The following ARHGAP10 variants were observed in gnomAD, a reference collection of about 807,000 sequenced individuals.
The protein encoded by ARHGAP10 is Rho GTPase activating protein 10.
Under a neutral mutation model 108.6 loss-of-function variants are expected in ARHGAP10, and 87 were observed. That is an observed-to-expected ratio of 0.80 (90% CI 0.67 to 0.96). The LOEUF is 0.96. Among genes scored for constraint, ARHGAP10 ranks in the 40% least tolerant of loss-of-function variants. The pLI is 0.00. For synonymous variants in ARHGAP10, 347 were observed against 341.1 expected, an observed-to-expected ratio of 1.02 and a Z score of -0.19; for missense variants, 939 against 954.5, an observed-to-expected ratio of 0.98 and a Z score of 0.21.
chr4:147,786,925 C>G (rs1281730974), intron 1 of ARHGAP10, among the ~76,000 whole-genome samples: 2 of 152,264 alleles, frequency 1.3e-5, no homozygotes, highest in African/African-American at 4.8e-5. Flanking sequence ...GGTCACACCT[C>G]TGACCTCCCT....
chr4:147,892,142 TC>T (rs1735815063), intron 10 of ARHGAP10, among the ~76,000 whole-genome samples: 1 of 152,206 alleles, frequency 6.6e-6, no homozygotes, highest in African/African-American at 2.4e-5. Context: ...GCAAGATGCT[TC>T]TGACTTGTAG....
At chr4:147,832,587 C>T (rs1258988672) in intron 3 of ARHGAP10, among the ~76,000 whole-genome samples, 1 of 122,564 alleles carries the variant, frequency 8.2e-6, no homozygotes, top group Non-Finnish European at 1.6e-5. Flanking sequence ...GCGGAGGTTA[C>T]AATGAGCTGA....
At chr4:147,877,819 C>CTATTTTTT (rs1735135763) in intron 8 of ARHGAP10, among the ~76,000 whole-genome samples, 1 of 131,500 alleles carries the variant, frequency 7.6e-6, no homozygotes, top group East Asian at 2.2e-4. Context: ...ATTCTTCATA[C>CTATTTTTT]TTTTTTTTTT....
intron 8 of ARHGAP10, among the ~76,000 whole-genome samples, chr4:147,876,419 T>C (rs1051160685): frequency 2.0e-5 from 3 of 152,206 alleles, no homozygotes; most frequent in Non-Finnish European, 2.9e-5. Context: ...AGTGAAACCC[T>C]GTCTCTACTA....
At chr4:147,925,970 C>T (rs1308065875) in intron 13 of ARHGAP10, among the ~76,000 whole-genome samples, 1 of 152,222 alleles carries the variant, frequency 6.6e-6, no homozygotes, top group Non-Finnish European at 1.5e-5. Flanking sequence ...CTCTAGGAGA[C>T]ACCATCTCTA....
chr4:148,048,366 CTT>C (rs1432827338), intron 20 of ARHGAP10, among the ~76,000 whole-genome samples: 1 of 152,156 alleles, frequency 6.6e-6, no homozygotes. Context: ...GATCTGAAGA[CTT>C]TGAAAATCTG....
intron 18 of ARHGAP10, among the ~76,000 whole-genome samples, chr4:148,016,541 GT>G (rs199670329): frequency 1.3e-5 from 2 of 152,056 alleles, no homozygotes; most frequent in Admixed American, 6.5e-5. Flanking sequence ...AATGCAAATT[GT>G]TTTTTTCTCT....
chr4:147,819,498 A>G (rs1732393201), intron 1 of ARHGAP10, among the ~76,000 whole-genome samples: 1 of 151,732 alleles, frequency 6.6e-6, no homozygotes, highest in Non-Finnish European at 1.5e-5. Context: ...AAATAAAATC[A>G]TCCTATTATA....
At chr4:147,949,331 C>T (rs1165616099) in intron 15 of ARHGAP10, among the ~76,000 whole-genome samples, 1 of 152,154 alleles carries the variant, frequency 6.6e-6, no homozygotes, top group Non-Finnish European at 1.5e-5. Context: ...AATTTAAGTT[C>T]CCTGAAGATA....
chr4:147,962,671 C>T (rs1196430398), intron 16 of ARHGAP10, among the ~76,000 whole-genome samples: 1 of 152,066 alleles, frequency 6.6e-6, no homozygotes, highest in African/African-American at 2.4e-5. Flanking sequence ...CCACCTACCT[C>T]ACTCCCTTTA....
chr4:147,777,198 G>A (rs1438118152), intron 1 of ARHGAP10, among the ~76,000 whole-genome samples: 1 of 151,704 alleles, frequency 6.6e-6, no homozygotes, highest in African/African-American at 2.4e-5. Context: ...TTGGTTTTCT[G>A]TCTTTGCTAA....
chr4:148,017,670 ATATATATAT>A (rs1741398297), intron 18 of ARHGAP10, among the ~76,000 whole-genome samples: 1 of 128,370 alleles, frequency 7.8e-6, no homozygotes, highest in Non-Finnish European at 1.5e-5. Flanking sequence ...ATATATATAT[ATATATATAT>A]ATATGTGTGT....
At chr4:148,014,133 G>C (rs1027670401) in intron 18 of ARHGAP10, among the ~76,000 whole-genome samples, 1 of 152,200 alleles carries the variant, frequency 6.6e-6, no homozygotes. Flanking sequence ...CCTTATAGTT[G>C]ACATAGAGTA....
At position 148,063,177 on chromosome 4, in the gene ARHGAP10, A is replaced by C; in HGVS notation, c.2057A>C (p.Gln686Pro). The C allele has an allele frequency of 6.2e-7, 1 of 1,614,216 alleles. No homozygotes were observed. The highest frequency in any genetic ancestry group is 8.5e-7 in the Non-Finnish European group (1 of 1,180,046). ...IPGQTRSSMV[Q>P]WLNPQSPTTT... is the part of the protein sequence containing the mutation. ...GGCCAGACCCGATCGTCTATGGTCC[A>C]GTGGCTTAACCCACAGTCTCCAACC... Residue 686 changes from glutamine (Q) to proline (P), a missense_variant, in exon 21 of 23, where the codon CAG (glutamine) becomes CCG (proline). Coordinates refer to ENST00000336498, the MANE Select transcript of ARHGAP10 (RefSeq NM_024605.4).
intron 1 of ARHGAP10, among the ~76,000 whole-genome samples, chr4:147,758,804 C>T (rs1481926954): frequency 6.6e-6 from 1 of 151,674 alleles, no homozygotes; most frequent in African/African-American, 2.4e-5. Flanking sequence ...CATGGTGAAA[C>T]CCGGTCTCTA....
intron 14 of ARHGAP10, among the ~76,000 whole-genome samples, chr4:147,940,741 C>T (rs1284921457): frequency 6.6e-6 from 1 of 152,198 alleles, no homozygotes; most frequent in Non-Finnish European, 1.5e-5. Flanking sequence ...TAAAACATTA[C>T]AGCAAAGAGT....
intron 5 of ARHGAP10, chr4:147,862,323 A>G (rs956017034): frequency 1.3e-5 from 2 of 152,562 alleles, no homozygotes; most frequent in Non-Finnish European, 2.9e-5. Flanking sequence ...AGGAGCAGGC[A>G]CTTCTTGAGC....
intron 10 of ARHGAP10, among the ~76,000 whole-genome samples, chr4:147,901,640 T>A (rs752614422): frequency 6.6e-6 from 1 of 152,222 alleles, no homozygotes; most frequent in South Asian, 2.1e-4. Flanking sequence ...TACGCTTCTT[T>A]GGATTTTTAT....
At chr4:147,974,633 T>C (rs28529145) in intron 18 of ARHGAP10, among the ~76,000 whole-genome samples, 1,590 of 152,304 alleles carry the variant, frequency 0.01, 19 homozygotes, top group South Asian at 0.026. Flanking sequence ...TAGCTTTGTG[T>C]GGTACTTCAG....
Sources: allele counts gnomAD v4.1 joint callset (sites outside exome capture counted in the v4.1 genomes callset), GRCh38; gene constraint gnomAD v4.1.1; transcripts MANE v1.5; gene names NCBI Gene and HGNC (gene_info 2026-07-23, HGNC 2026-07-21).